Variants in MTREX observed in about 807,000 individuals in gnomAD.
MTREX encodes the protein exosome RNA helicase MTR4.
In MTREX, 76 loss-of-function variants were observed where a neutral mutation model predicts 135.4. The observed-to-expected ratio is 0.56, with a 90% CI of 0.47 to 0.68. MTREX has a LOEUF of 0.68. Ranked by LOEUF, MTREX falls within the 30% of genes least tolerant of loss-of-function variation. The probability of loss-of-function intolerance (pLI) is 0.00; values close to 1 mark genes in which losing one functional copy is unlikely to be tolerated. For synonymous variants in MTREX, 404 were observed against 401.6 expected (o/e 1.01, Z -0.07); for missense variants, 920 against 1,262.1 (o/e 0.73, Z 4.11).
intron 25 of MTREX, among the ~76,000 whole-genome samples, 159 bp downstream of exon 25, chr5:55,416,291 T>G (rs1750964742): frequency 6.6e-6 from 1 of 152,128 alleles, no homozygotes. Context: ...CCACAAATTC[T>G]TTGTATTATT....
At chr5:55,405,400 T>A (rs764552720) in intron 21 of MTREX, 25 bp from the exon 22 acceptor site, 1 of 1,584,022 alleles carries the variant, frequency 6.3e-7, no homozygotes, top group Non-Finnish European at 8.6e-7. Context: ...TTATTGAACT[T>A]TCTTTATACT....
At chr5:55,360,934 A>T (rs985914646) in intron 15 of MTREX, among the ~76,000 whole-genome samples, 4 of 152,202 alleles carry the variant, frequency 2.6e-5, no homozygotes, top group Non-Finnish European at 4.4e-5. Context: ...TGCAGAGGTT[A>T]AAAAATTTGT....
chr5:55,327,487 A>G (rs1295405696), intron 3 of MTREX: 8 of 445,340 alleles, frequency 1.8e-5, no homozygotes, highest in Non-Finnish European at 2.4e-5. Context: ...TCAGCTTTCA[A>G]TTATTACCCT....
Position 55,307,998 on chromosome 5 carries a change from C to T in MTREX, c.-16C>T, listed in dbSNP as rs1385220309. 5 of 1,614,074 alleles carry T rather than the reference C, an allele frequency of 3.1e-6. No individual in the cohort carries two copies. Among genetic ancestry groups the T allele is most frequent in the East Asian group, 2.2e-5 (1 of 44,866 alleles). On this transcript the variant is annotated 5_prime_UTR_variant, in exon 1 of 27. Coordinates refer to ENST00000230640, the MANE Select transcript of MTREX (RefSeq NM_015360.5). ...ATCGTGGGTAGGAGGGAGATTTGCT[C>T]TCACTGCTCCCAAAAATGGCGGACG...
intron 25 of MTREX, among the ~76,000 whole-genome samples, chr5:55,422,079 C>T (rs932567018): frequency 2.0e-5 from 3 of 152,084 alleles, no homozygotes; most frequent in Non-Finnish European, 2.9e-5. Flanking sequence ...CTACAGACTG[C>T]ATTTTGAGAA....
intron 21 of MTREX, among the ~76,000 whole-genome samples, chr5:55,400,639 T>C (rs910639582): frequency 1.3e-5 from 2 of 152,178 alleles, no homozygotes; most frequent in East Asian, 1.9e-4. Flanking sequence ...GGATGTTCTG[T>C]TTTTTCTTCT....
chr5:55,413,652 G>A (rs1750920565), intron 23 of MTREX, among the ~76,000 whole-genome samples: 1 of 152,126 alleles, frequency 6.6e-6, no homozygotes, highest in South Asian at 2.1e-4. Context: ...GCAATACTAA[G>A]AATACTGAAA....
chr5:55,347,113 A>C lies in MTREX; in HGVS notation c.1209A>C (p.Ala403=). 1 of 1,604,806 alleles carries C rather than the reference A, an allele frequency of 6.2e-7. No individual in the cohort carries two copies. The highest frequency in any genetic ancestry group is 8.5e-7 in the Non-Finnish European group (1 of 1,175,852). The change falls in exon 11 of 27, where the codon GCA becomes GCC. Residue 403 remains alanine (A), a synonymous_variant. Coordinates refer to ENST00000230640, the MANE Select transcript of MTREX (RefSeq NM_015360.5). ...SFSKKDCEAY[A]LQMTKLDFNT... is the part of the protein sequence containing the mutation. ...GTAAGAAAGATTGTGAAGCCTATGC[A>C]CTTCAAATGACCAAATTAGATTTCA...
chr5:55,325,327 G>A (rs1178727935), intron 3 of MTREX, among the ~76,000 whole-genome samples: 1 of 145,100 alleles, frequency 6.9e-6, no homozygotes, highest in African/African-American at 2.5e-5. Flanking sequence ...TTTTTTGGGG[G>A]GGTTTTTTTT....
In MTREX at chr5:55,400,268, A is replaced by G. The variant is rs1369371678; in HGVS notation, c.2328A>G (p.Leu776=). ...AACGTTTTCCTGACGGCATCCCCTT[A>G]TTAGACCCTATTGATGATATGGGCA... ...VQKRFPDGIP[L]LDPIDDMGIQ... Residue 776 remains leucine (L), a synonymous_variant, in exon 21 of 27, where the codon TTA becomes TTG. Transcript: ENST00000230640. 1.9e-6 allele frequency: 3 copies of G among 1,605,872 alleles called. No homozygotes were observed. The highest frequency in any genetic ancestry group is 2.5e-6 in the Non-Finnish European group (3 of 1,177,024).
chr5:55,320,903 A>T (rs1032080662), intron 1 of MTREX, among the ~76,000 whole-genome samples: 1 of 152,134 alleles, frequency 6.6e-6, no homozygotes, highest in African/African-American at 2.4e-5. Context: ...GTAAGGCTAG[A>T]TTTTTCTTCA....
chr5:55,356,198 T>A (rs1315944241), intron 14 of MTREX: 2 of 152,776 alleles, frequency 1.3e-5, no homozygotes, highest in African/African-American at 4.8e-5. Flanking sequence ...TTCTTCACCT[T>A]TTGCTTGCTG....
At chr5:55,345,636 G>A (rs962919231) in intron 10 of MTREX, among the ~76,000 whole-genome samples, 1 of 145,500 alleles carries the variant, frequency 6.9e-6, no homozygotes, top group African/African-American at 2.5e-5. Context: ...TTCACTTAAT[G>A]TAATGTTTTC....
chr5:55,387,965 G>A lies in MTREX; in HGVS notation c.2053-9G>A. 1 of 1,572,268 alleles carries A rather than the reference G, an allele frequency of 6.4e-7. No individual in the cohort carries two copies. Among genetic ancestry groups the A allele is most frequent in the Non-Finnish European group, 8.7e-7 (1 of 1,151,638 alleles). On this transcript the variant is annotated splice_polypyrimidine_tract_variant and intron_variant, in intron 18 of 26. Transcript: ENST00000230640. ...AGAATGAATGAACATCTTCTGTTTTGTTTTTTAGCCTAACTCTGGTGAACT... is the reference window on the plus strand; with the variant it reads ...AGAATGAATGAACATCTTCTGTTTTATTTTTTAGCCTAACTCTGGTGAACT...
At chr5:55,326,793 A>G (rs1284239550) in intron 3 of MTREX, among the ~76,000 whole-genome samples, 1 of 152,058 alleles carries the variant, frequency 6.6e-6, no homozygotes, top group Admixed American at 6.5e-5. Context: ...GGTTTGCTGC[A>G]CCCATCATCC....
intron 8 of MTREX, 63 bp from the exon 9 acceptor site, chr5:55,344,459 A>G (rs1370437671): frequency 9.6e-7 from 1 of 1,043,498 alleles, no homozygotes; most frequent in Non-Finnish European, 1.5e-6. Context: ...TTTAGGTTGG[A>G]CTAAGATACA....
At chr5:55,316,348 C>T (rs1318338195) in intron 1 of MTREX, among the ~76,000 whole-genome samples, 1 of 152,070 alleles carries the variant, frequency 6.6e-6, no homozygotes, top group East Asian at 1.9e-4. Context: ...AACTTCAGGC[C>T]ACTATCCTTG....
chr5:55,414,053 C>A (rs1750927672), intron 23 of MTREX, 129 bp from the exon 24 acceptor site: 3 of 570,666 alleles, frequency 5.3e-6, no homozygotes, highest in Non-Finnish European at 8.9e-6. Context: ...ACTCTAAATG[C>A]TGATGACTAA....
intron 1 of MTREX, among the ~76,000 whole-genome samples, chr5:55,321,603 A>ATTT (rs570546421): frequency 2.2e-4 from 23 of 103,046 alleles, no homozygotes; most frequent in East Asian, 5.4e-4. Context: ...CCAAACATCT[A>ATTT]TTTTTTTTTT....
Sources: gnomAD v4.1 joint callset for allele counts (sites outside exome capture counted in the v4.1 genomes callset) on GRCh38, gnomAD v4.1.1 for gene constraint, MANE v1.5 for transcripts, NCBI Gene and HGNC (gene_info 2026-07-23, HGNC 2026-07-21) for gene names.